Variants in PACRG observed in about 807,000 individuals in gnomAD.
PACRG encodes parkin coregulated gene protein.
A neutral mutation model predicts 29.7 loss-of-function variants in PACRG; 29 were observed. The ratio of observed to expected loss-of-function variants is 0.98; its 90% confidence interval spans 0.73 to 1.33. PACRG has a LOEUF of 1.33. Among genes scored for constraint, PACRG ranks in the 40% most tolerant of loss-of-function variants. The pLI is 0.00. For missense variants in PACRG, 279 were observed against 316.2 expected, an observed-to-expected ratio of 0.88 and a Z score of 0.89; for synonymous variants, 116 against 118.7, an observed-to-expected ratio of 0.98 and a Z score of 0.15.
chr6:162,980,520 GT>G (rs1802325467), intron 2 of PACRG, among the ~76,000 whole-genome samples: 1 of 152,062 alleles, frequency 6.6e-6, no homozygotes, highest in African/African-American at 2.4e-5. Context: ...TAATACTCTT[GT>G]TTTTGGCATT....
chr6:162,748,168 CG>C (rs549585296), intron 1 of PACRG, among the ~76,000 whole-genome samples: 119 of 152,184 alleles, frequency 7.8e-4, no homozygotes, highest in Non-Finnish European at 1.2e-3. Context: ...TCTGCTGAAA[CG>C]TATTAAAATA....
chr6:163,101,430 CTTTA>C, intron 4 of PACRG: 5 of 942,000 alleles, frequency 5.3e-6, no homozygotes, highest in Non-Finnish European at 6.3e-6. Flanking sequence ...TTGTATGAGT[CTTTA>C]TTTATTATAA....
intron 2 of PACRG, among the ~76,000 whole-genome samples, chr6:162,986,153 A>C (rs1802867496): frequency 6.6e-6 from 1 of 152,070 alleles, no homozygotes; most frequent in Admixed American, 6.6e-5. Flanking sequence ...GTAATTTACA[A>C]ATTCAATGCA....
chr6:163,205,941 C>A (rs1780884290), intron 4 of PACRG, among the ~76,000 whole-genome samples: 1 of 152,014 alleles, frequency 6.6e-6, no homozygotes, highest in Admixed American at 6.6e-5. Flanking sequence ...CACAAATGAC[C>A]AACAAGCATG....
intron 4 of PACRG, among the ~76,000 whole-genome samples, chr6:163,116,630 C>G (rs1452019644): frequency 6.6e-6 from 1 of 152,050 alleles, no homozygotes; most frequent in Admixed American, 6.5e-5. Flanking sequence ...TTGAAAGAAA[C>G]GAGTGTAGAT....
chr6:162,947,347 T>TATGTGA (rs367628174), intron 2 of PACRG, among the ~76,000 whole-genome samples: 31 of 50,946 alleles, frequency 6.1e-4, no homozygotes, highest in African/African-American at 9.3e-4. Flanking sequence ...TATATAATGA[T>TATGTGA]TACATATATA....
intron 2 of PACRG, among the ~76,000 whole-genome samples, chr6:162,929,950 A>T (rs1797726457): frequency 6.6e-6 from 1 of 151,638 alleles, no homozygotes; most frequent in African/African-American, 2.4e-5. Flanking sequence ...GTCCATTTTT[A>T]TGCCAGTACC....
chr6:163,149,507 C>G (rs1777984254), intron 4 of PACRG, among the ~76,000 whole-genome samples: 1 of 152,174 alleles, frequency 6.6e-6, no homozygotes, highest in Non-Finnish European at 1.5e-5. Flanking sequence ...ATGGGCTTTT[C>G]TATCCACCGC....
At chr6:163,144,502 C>G (rs1179485753) in intron 4 of PACRG, among the ~76,000 whole-genome samples, 1 of 152,186 alleles carries the variant, frequency 6.6e-6, no homozygotes, top group African/African-American at 2.4e-5. Flanking sequence ...GGTTCAGTGG[C>G]TCATACCTGT....
intron 2 of PACRG, among the ~76,000 whole-genome samples, chr6:163,049,268 A>G (rs1205419275): frequency 6.6e-6 from 1 of 152,096 alleles, no homozygotes; most frequent in Admixed American, 6.5e-5. Context: ...AATAAATACA[A>G]TAGGACAACT....
At chr6:162,846,705 T>C (rs565329112) in intron 2 of PACRG, among the ~76,000 whole-genome samples, 3 of 152,348 alleles carry the variant, frequency 2.0e-5, no homozygotes, top group African/African-American at 7.2e-5. Flanking sequence ...ACCATATTTA[T>C]CCCTACCCCT....
chr6:162,951,403 CTGAT>C (rs1393896735), intron 2 of PACRG, among the ~76,000 whole-genome samples: 2 of 152,212 alleles, frequency 1.3e-5, no homozygotes, highest in African/African-American at 4.8e-5. Context: ...CAGGAAGGCT[CTGAT>C]TGATTGGCCT....
At chr6:162,730,000 G>A (rs958854958) in intron 1 of PACRG, among the ~76,000 whole-genome samples, 1 of 151,132 alleles carries the variant, frequency 6.6e-6, no homozygotes, top group Non-Finnish European at 1.5e-5. Context: ...ATTGGAAATC[G>A]TAATTCTTAA....
chr6:162,906,461 G>A (rs1266605416), intron 2 of PACRG, among the ~76,000 whole-genome samples: 1 of 152,166 alleles, frequency 6.6e-6, no homozygotes, highest in Admixed American at 6.5e-5. Context: ...AATTTTAAAT[G>A]CCAGACCGTA....
intron 4 of PACRG, among the ~76,000 whole-genome samples, chr6:163,108,519 A>G (rs1815523562): frequency 6.7e-6 from 1 of 149,194 alleles, no homozygotes; most frequent in African/African-American, 2.5e-5. Flanking sequence ...TCAGTCCCTG[A>G]GTAGCTGGGA....
rs1273171292 is a variant in PACRG, at chr6:162,947,313, TC to T, written c.292-114836del. Among the ~76,000 whole-genome samples, 148 of 97,100 alleles carry T rather than the reference TC, an allele frequency of 1.5e-3. 5 individuals are homozygous for T. The highest frequency in any genetic ancestry group is 4.7e-3 in the African/African-American group (139 of 29,850). The allele number at this position is 97,100 out of a possible 152,430, so 63.7% of individuals were successfully genotyped here. A position where few individuals can be genotyped will look rare whatever the true frequency, so the allele number is the denominator to read the frequency against. ...ACATATAATCATATAATATATATAA[TC>T]ATATATAATACATATAATCATATAT... On this transcript the variant is annotated intron_variant, in intron 2 of 4. Transcript: ENST00000366888.
At chr6:163,193,667 T>C (rs1292778083) in intron 4 of PACRG, among the ~76,000 whole-genome samples, 1 of 152,106 alleles carries the variant, frequency 6.6e-6, no homozygotes, top group Non-Finnish European at 1.5e-5. Context: ...ATATTTTTAT[T>C]TTGTTATATT....
chr6:163,260,314 C>T (rs1783276031), intron 4 of PACRG, among the ~76,000 whole-genome samples: 1 of 152,232 alleles, frequency 6.6e-6, no homozygotes, highest in East Asian at 1.9e-4. Flanking sequence ...CTCTCTTCAG[C>T]TCCCACGTTG....
intron 4 of PACRG, among the ~76,000 whole-genome samples, chr6:163,263,574 T>G (rs1370196951): frequency 6.6e-6 from 1 of 152,106 alleles, no homozygotes; most frequent in Non-Finnish European, 1.5e-5. Flanking sequence ...GCAAAAACTG[T>G]GGGAAACTCT....
Sources: gnomAD v4.1 joint callset for allele counts (sites outside exome capture counted in the v4.1 genomes callset) on GRCh38, gnomAD v4.1.1 for gene constraint, MANE v1.5 for transcripts, NCBI Gene and HGNC (gene_info 2026-07-23, HGNC 2026-07-21) for gene names.